Variants in MRPS6 observed in about 807,000 individuals in gnomAD.
MRPS6 encodes the protein small ribosomal subunit protein bS6m.
Under a neutral mutation model 13.1 loss-of-function variants are expected in MRPS6, and 6 were observed. That is an observed-to-expected ratio of 0.46 (90% CI 0.25 to 0.91). MRPS6 has a LOEUF of 0.91. MRPS6 is among the 40% of genes least tolerant of loss of function. The probability of loss-of-function intolerance (pLI) is 0.18; values close to 1 mark genes in which losing one functional copy is unlikely to be tolerated. For missense variants in MRPS6, 164 were observed against 155.6 expected, an observed-to-expected ratio of 1.05 and a Z score of -0.29; for synonymous variants, 61 against 56.5, an observed-to-expected ratio of 1.08 and a Z score of -0.36.
chr21:34,142,203 A>T (rs1398925367), intron 2 of MRPS6, among the ~76,000 whole-genome samples: 1 of 152,224 alleles, frequency 6.6e-6, no homozygotes. Context: ...GAAAGACCAT[A>T]GAAAAAGGGA....
chr21:34,077,476 C>T (rs1419200879), intron 1 of MRPS6, among the ~76,000 whole-genome samples: 2 of 152,026 alleles, frequency 1.3e-5, no homozygotes, highest in African/African-American at 2.4e-5. Flanking sequence ...TTCTCATTGG[C>T]GTTCAGGAAT....
intron 1 of MRPS6, chr21:34,100,430 T>C: frequency 1.0e-6 from 1 of 1,000,234 alleles, no homozygotes; most frequent in African/African-American, 1.7e-5. Context: ...TGGGGGTAAT[T>C]ATGCTTTGTC....
chr21:34,102,603 A>G (rs570756201), intron 1 of MRPS6: 55 of 1,000,208 alleles, frequency 5.5e-5, no homozygotes, highest in Non-Finnish European at 6.1e-5. Context: ...ACTTAAACCA[A>G]TAACTGTACT....
intron 1 of MRPS6, among the ~76,000 whole-genome samples, chr21:34,118,118 T>G (rs2148666831): frequency 1.3e-5 from 2 of 151,916 alleles, no homozygotes; most frequent in East Asian, 3.9e-4. Context: ...ATTCAAAGAG[T>G]TTTTCTCTGC....
At chr21:34,100,514 C>T (rs1380425017) in intron 1 of MRPS6, 1 of 1,000,082 alleles carries the variant, frequency 1.0e-6, no homozygotes, top group African/African-American at 1.7e-5. Context: ...ATCTCATCTC[C>T]TAGGGCTTCC....
intron 1 of MRPS6, among the ~76,000 whole-genome samples, chr21:34,074,270 C>T (rs983398709): frequency 3.3e-5 from 5 of 152,150 alleles, no homozygotes; most frequent in Non-Finnish European, 5.9e-5. Flanking sequence ...ATAAAGCGTT[C>T]CTCCAAAGCT....
chr21:34,084,465 G>A (rs1169141541), intron 1 of MRPS6, among the ~76,000 whole-genome samples: 8 of 152,174 alleles, frequency 5.3e-5, no homozygotes, highest in Non-Finnish European at 7.4e-5. Context: ...TAGCCTTTGA[G>A]GGAGGCTAGA....
chr21:34,123,976 T>TCTTGTTAGCCCCTAAATGTTTGTACTCCC (rs1399508582), intron 1 of MRPS6: 3 of 152,260 alleles, frequency 2.0e-5, no homozygotes, highest in African/African-American at 7.2e-5. Flanking sequence ...CTTTGAGTCC[T>TCTTGTTAGCCCCTAAATGTTTGTACTCCC]CTTGTTAGCC....
At chr21:34,136,323 T>C (rs1173298011) in intron 2 of MRPS6, among the ~76,000 whole-genome samples, 1 of 152,054 alleles carries the variant, frequency 6.6e-6, no homozygotes, top group Non-Finnish European at 1.5e-5. Flanking sequence ...AATTTTTGTA[T>C]TTTTGGTAGA....
intron 1 of MRPS6, among the ~76,000 whole-genome samples, chr21:34,118,816 A>T (rs1017563943): frequency 1.3e-5 from 2 of 151,952 alleles, no homozygotes; most frequent in African/African-American, 4.8e-5. Flanking sequence ...TGCCCAGCCT[A>T]CTCCATGTTT....
chr21:34,100,935 G>A, intron 1 of MRPS6: 2 of 1,000,154 alleles, frequency 2.0e-6, no homozygotes, highest in Non-Finnish European at 2.4e-6. Flanking sequence ...CAGTGTTAAA[G>A]CTTACAGGGT....
chr21:34,086,301 A>G (rs148461249), intron 1 of MRPS6, among the ~76,000 whole-genome samples: 116 of 152,232 alleles, frequency 7.6e-4, no homozygotes, highest in Admixed American at 1.8e-3. Context: ...TTTTAGAGAA[A>G]AGATTAATTC....
chr21:34,103,393 T>G, intron 1 of MRPS6: 1 of 997,868 alleles, frequency 1.0e-6, no homozygotes, highest in African/African-American at 1.7e-5. Context: ...AACCAGGTAG[T>G]TCTGTATTTG....
chr21:34,125,130 T>C (rs1048841755), intron 1 of MRPS6: 7 of 723,486 alleles, frequency 9.7e-6, no homozygotes, highest in African/African-American at 5.4e-5. Flanking sequence ...TCTTCAGATA[T>C]TCCTCGTATC....
intron 1 of MRPS6, among the ~76,000 whole-genome samples, chr21:34,115,646 T>TC (rs1294457336): frequency 3.3e-5 from 5 of 152,290 alleles, no homozygotes; most frequent in African/African-American, 1.2e-4. Context: ...GTTTTCAGTG[T>TC]CCAAGTGTAG....
intron 1 of MRPS6, among the ~76,000 whole-genome samples, chr21:34,111,826 A>G (rs1280778247): frequency 2.1e-5 from 3 of 145,728 alleles, no homozygotes; most frequent in Non-Finnish European, 4.5e-5. Flanking sequence ...CCAGCTTTCC[A>G]TGGCTTTTCA....
Sources: allele counts gnomAD v4.1 joint callset (sites outside exome capture counted in the v4.1 genomes callset), GRCh38; gene constraint gnomAD v4.1.1; transcripts MANE v1.5; gene names NCBI Gene and HGNC (gene_info 2026-07-23, HGNC 2026-07-21).